The following TTLL5 variants were observed in gnomAD, a reference collection of about 807,000 sequenced individuals.
TTLL5 encodes the protein tubulin tyrosine ligase like 5.
A neutral mutation model predicts 168.4 loss-of-function variants in TTLL5; 132 were observed. The ratio of observed to expected loss-of-function variants is 0.78; its 90% confidence interval spans 0.68 to 0.91. The LOEUF (loss-of-function observed/expected upper bound fraction) is 0.91. Ranked by LOEUF, TTLL5 falls within the 40% of genes least tolerant of loss-of-function variation. TTLL5 has a pLI of 0.00. For synonymous variants in TTLL5, 546 were observed against 558.6 expected, an observed-to-expected ratio of 0.98 and a Z score of 0.32; for missense variants, 1,545 against 1,581.5, an observed-to-expected ratio of 0.98 and a Z score of 0.39.
intron 12 of TTLL5, among the ~76,000 whole-genome samples, chr14:75,725,632 C>A (rs1177826700): frequency 6.6e-6 from 1 of 152,170 alleles, no homozygotes; most frequent in Non-Finnish European, 1.5e-5. Context: ...TCTCCACCCA[C>A]ATAAAGACAT....
chr14:75,783,399 A>T lies in TTLL5; in HGVS notation c.2855A>T (p.Gln952Leu), dbSNP rs775827686. The stretch of plus-strand genomic sequence containing the variant: ...TCTCCCTGCCTACATCCCGGGGCAC[A>T]GAACATCCCAAGCCCTACTGGCCTG... The part of the protein sequence containing the change: ...SASPCLHPGA[Q>L]NIPSPTGLPR... The change falls in exon 26 of 32, where the codon CAG becomes CTG. Residue 952 changes from glutamine to leucine, a missense_variant. By Grantham distance (113) the Gln-to-Leu change is moderately radical. Coordinates refer to ENST00000298832, the MANE Select transcript of TTLL5 (RefSeq NM_015072.5). 3.1e-6 allele frequency: 5 copies of T among 1,614,218 alleles called. No homozygotes were observed. Among genetic ancestry groups the T allele is most frequent in the Non-Finnish European group, 4.2e-6 (5 of 1,180,034 alleles).
rs61154954 is a variant in TTLL5 at position 75,813,194 on chromosome 14, CTG to C, written c.3172-6783_3172-6782del. ...TGCTTAGCATGTTGCCTGGAACAAG[CTG>C]TGTGTGTGTGTGTGTGTGTGTGTGT... On this transcript the variant is annotated intron_variant, in intron 27 of 31. Coordinates refer to ENST00000298832, the MANE Select transcript of TTLL5 (RefSeq NM_015072.5). Among the ~76,000 whole-genome samples, 194 of 142,472 alleles carry C rather than the reference CTG, an allele frequency of 1.4e-3. 2 individuals are homozygous for C. The highest frequency in any genetic ancestry group is 4.3e-3 in the East Asian group (21 of 4,878). 93.5% of individuals were successfully genotyped at this position (142,472 alleles called of 152,430 possible).
At chr14:75,668,401 T>G (rs1387382128) in intron 2 of TTLL5, among the ~76,000 whole-genome samples, 3 of 152,186 alleles carry the variant, frequency 2.0e-5, no homozygotes, top group Non-Finnish European at 4.4e-5. Context: ...GTTCATAGTA[T>G]GGGCAGGGGG....
chr14:75,769,948 G>A (rs1022849688), intron 20 of TTLL5, among the ~76,000 whole-genome samples: 4 of 152,064 alleles, frequency 2.6e-5, no homozygotes, highest in African/African-American at 9.7e-5. Context: ...GGAGGCTGAG[G>A]TGGGTGGATC....
At chr14:75,740,906 TTC>T (rs1889221092) in intron 15 of TTLL5, among the ~76,000 whole-genome samples, 4 of 152,226 alleles carry the variant, frequency 2.6e-5, no homozygotes, top group African/African-American at 9.6e-5. Flanking sequence ...TTTGCATGTG[TTC>T]TCTGTCAAGC....
At chr14:75,779,768 G>A (rs1891936545) in intron 24 of TTLL5, 66 bp downstream of exon 24, 4 of 1,506,072 alleles carry the variant, frequency 2.7e-6, no homozygotes, top group Non-Finnish European at 3.6e-6. Flanking sequence ...ATGCAAAGGA[G>A]AATGAGGAAT....
intron 28 of TTLL5, among the ~76,000 whole-genome samples, chr14:75,855,696 G>C (rs563216832): frequency 6.6e-6 from 1 of 152,302 alleles, no homozygotes; most frequent in African/African-American, 2.4e-5. Flanking sequence ...GCATATGCAA[G>C]ACATACTTCA....
At chr14:75,869,063 T>TGTGTGTGTGTGTGTGTGTGTGTGTG (rs58193518) in intron 29 of TTLL5, among the ~76,000 whole-genome samples, 1 of 148,474 alleles carries the variant, frequency 6.7e-6, no homozygotes, top group African/African-American at 2.5e-5. Context: ...TGTGTGTGTG[T>TGTGTGTGTGTGTGTGTGTGTGTGTG]TTAAGTTCCA....
intron 31 of TTLL5, among the ~76,000 whole-genome samples, chr14:75,906,221 T>C (rs1268645674): frequency 2.0e-5 from 3 of 152,184 alleles, no homozygotes; most frequent in Non-Finnish European, 4.4e-5. Context: ...CTCAACAGAA[T>C]GGCCTATTTT....
chr14:75,682,011 G>A (rs939019264), intron 4 of TTLL5, among the ~76,000 whole-genome samples: 1 of 151,776 alleles, frequency 6.6e-6, no homozygotes, highest in Non-Finnish European at 1.5e-5. Flanking sequence ...CCAACATGGT[G>A]AAACCCCGTC....
intron 17 of TTLL5, among the ~76,000 whole-genome samples, chr14:75,746,557 C>CTT (rs71119389): frequency 3.4e-3 from 394 of 114,720 alleles, no homozygotes; most frequent in African/African-American, 9.5e-3. Flanking sequence ...CTTTTCTTTT[C>CTT]TTTTTTTTTT....
chr14:75,683,523 CCTT>C (rs1212408791), intron 4 of TTLL5, 24 bp from the exon 5 acceptor site: 3 of 1,562,044 alleles, frequency 1.9e-6, no homozygotes, highest in Non-Finnish European at 2.6e-6. Flanking sequence ...TGTTTTTTTG[CCTT>C]CTTGTCTTTC....
chr14:75,667,684 A>G (rs1412598955), intron 2 of TTLL5, among the ~76,000 whole-genome samples: 1 of 151,904 alleles, frequency 6.6e-6, no homozygotes, highest in Non-Finnish European at 1.5e-5. Context: ...TCCCAAGTCT[A>G]AAGACTGCCT....
chr14:75,715,423 C>T lies in TTLL5; in HGVS notation c.741-2438C>T, dbSNP rs145177010. ...TTTTGTAGGTTAATCAGAACTTGAC[C>T]AGTAGGTCACATTCAAGACTAATGT... On this transcript the variant is annotated intron_variant, in intron 9 of 31. Transcript: ENST00000298832. Among the ~76,000 whole-genome samples, 179 of 152,086 alleles carry T rather than the reference C, an allele frequency of 1.2e-3. No homozygotes were observed. The Middle Eastern group carries it at 0.024, about 20-fold the overall frequency.
chr14:75,709,440 T>C (rs1886897257), intron 9 of TTLL5: 1 of 451,030 alleles, frequency 2.2e-6, no homozygotes, highest in Non-Finnish European at 4.1e-6. Context: ...TGTCATATTC[T>C]TAACTGAGAT....
At chr14:75,891,005 C>T (rs541509722) in intron 30 of TTLL5, among the ~76,000 whole-genome samples, 6 of 152,312 alleles carry the variant, frequency 3.9e-5, no homozygotes, top group South Asian at 2.1e-4. Flanking sequence ...AGGCGTGAGC[C>T]GCTGCACCTG....
intron 27 of TTLL5, chr14:75,814,532 C>CTT (rs1566615880): frequency 1.3e-5 from 2 of 152,080 alleles, no homozygotes; most frequent in African/African-American, 4.8e-5. Context: ...AGGTCTCATC[C>CTT]GATACTGGGA....
chr14:75,928,052 C>G (rs1341644770), intron 31 of TTLL5, among the ~76,000 whole-genome samples: 4 of 151,904 alleles, frequency 2.6e-5, no homozygotes, highest in African/African-American at 7.3e-5. Flanking sequence ...TGACCCAGCC[C>G]CTGGTTTGCT....
At chr14:75,691,600 T>C (rs1286804264) in intron 6 of TTLL5, among the ~76,000 whole-genome samples, 2 of 152,236 alleles carry the variant, frequency 1.3e-5, no homozygotes, top group African/African-American at 4.8e-5. Flanking sequence ...GTCTCTGTGC[T>C]TCATTGCTAA....
Sources: allele counts gnomAD v4.1 joint callset (sites outside exome capture counted in the v4.1 genomes callset), GRCh38; gene constraint gnomAD v4.1.1; transcripts MANE v1.5; gene names NCBI Gene and HGNC (gene_info 2026-07-23, HGNC 2026-07-21).